The following CARD10 variants were observed in gnomAD, a reference collection of about 807,000 sequenced individuals.
The protein encoded by CARD10 is caspase recruitment domain-containing protein 10.
CARD10 carries 49 observed loss-of-function variants against 114.6 expected under a neutral mutation model. That is an observed-to-expected ratio of 0.43 (90% CI 0.34 to 0.54). The LOEUF is 0.54. Ranked by LOEUF, CARD10 falls within the 20% of genes least tolerant of loss-of-function variation. The pLI is 0.03. For synonymous variants in CARD10, 602 were observed against 593.2 expected, an observed-to-expected ratio of 1.01 and a Z score of -0.21; for missense variants, 1,206 against 1,397.2, an observed-to-expected ratio of 0.86 and a Z score of 2.18.
chr22:37,492,481 G>C lies in CARD10; in HGVS notation c.2705C>G (p.Pro902Arg). 2 of 1,602,244 alleles carry C rather than the reference G, an allele frequency of 1.2e-6. No individual in the cohort carries two copies. Among genetic ancestry groups the C allele is most frequent in the South Asian group, 1.1e-5 (1 of 89,898 alleles). The change falls in exon 18 of 20, where the codon CCT (proline) becomes CGT (arginine). Residue 902 changes from proline to arginine, a missense_variant. Pro to Arg is a moderately radical substitution (Grantham distance 103). Coordinates refer to ENST00000251973, the MANE Select transcript of CARD10 (RefSeq NM_014550.4). The surrounding 1 kb of genome is among the most constrained non-coding windows in gnomAD (Gnocchi z 5.7). ...PGAPKAQPAT[P>R]GLGSRIRAIQ... ...GGCCCGGATCCTGCTGCCTAGCCCA[G>C]GGGTGGCAGGCTGAGCCTTGGGGGC... is the stretch of plus-strand genomic sequence containing the variant.
chr22:37,502,873 T>G (rs1174075127), intron 10 of CARD10, 148 bp from the exon 11 acceptor site: 1 of 960,082 alleles, frequency 1.0e-6, no homozygotes, highest in East Asian at 2.6e-5. Flanking sequence ...GGCTCAGAGA[T>G]AGGTCAGGGC....
At position 37,491,185 on chromosome 22, in the gene CARD10, C is replaced by T; in HGVS notation, c.3073G>A (p.Gly1025Ser). Residue 1025 changes from glycine (G) to serine (S), a missense_variant, in exon 20 of 20, where the codon GGC (glycine) becomes AGC (serine). Gly to Ser is a moderately conservative substitution (Grantham distance 56, BLOSUM62 0). Coordinates refer to ENST00000251973, the MANE Select transcript of CARD10 (RefSeq NM_014550.4). ...LVWVECGSSR[G>S]CPSSSEA Reference sequence around the variant, plus strand: ...CAGGCCTCACTGCTGCTGGGGCAGCCTCTGCTGCTGCCGCACTCCACCCAC... The same window carrying T: ...CAGGCCTCACTGCTGCTGGGGCAGCTTCTGCTGCTGCCGCACTCCACCCAC... 6.4e-7 allele frequency: 1 copy of T among 1,569,554 alleles called. No homozygotes were observed.
chr22:37,519,155 C>T lies in CARD10; in HGVS notation c.46G>A (p.Ala16Thr), dbSNP rs1329580594. 3.9e-6 allele frequency: 6 copies of T among 1,541,782 alleles called. No individual in the cohort carries two copies. Among genetic ancestry groups the T allele is most frequent in the Non-Finnish European group, 5.2e-6 (6 of 1,149,914 alleles). The change falls in exon 1 of 20, where the codon GCC becomes ACC. Residue 16 changes from alanine to threonine, a missense_variant. Transcript: ENST00000251973. The surrounding 1 kb of genome is among the most constrained non-coding windows in gnomAD (Gnocchi z 4.1). Reference sequence around the variant, plus strand: ...TCCTCCGCCTCAGACCCCGAGCCGGCCCCGGCCTCCTCCTCGGCCTCCCCC... The same window carrying T: ...TCCTCCGCCTCAGACCCCGAGCCGGTCCCGGCCTCCTCCTCGGCCTCCCCC... ...EAGEAEEEAG[A>T]GSGSEAEEDA...
At chr22:37,510,454 A>T in intron 3 of CARD10, 33 bp from the exon 4 acceptor site, 1 of 1,597,474 alleles carries the variant, frequency 6.3e-7, no homozygotes, top group Non-Finnish European at 8.6e-7. Flanking sequence ...GCCCAGAGGG[A>T]GACACACTGG....
rs777380217 is a variant in CARD10, at chr22:37,510,439, G to T, written c.700-18C>A. The T allele has an allele frequency of 1.2e-6, 2 of 1,611,846 alleles. No individual in the cohort carries two copies. Among genetic ancestry groups the T allele is most frequent in the Non-Finnish European group, 1.7e-6 (2 of 1,178,928 alleles). On this transcript the variant is annotated intron_variant, in intron 3 of 19. Transcript: ENST00000251973. The stretch of plus-strand genomic sequence containing the variant: ...TGATCCACCTGGAGCCCAAGACATG[G>T]GTCAGCCCAGAGGGAGACACACTGG...
chr22:37,518,360 G>A (rs144179531), intron 1 of CARD10, among the ~76,000 whole-genome samples: 8 of 152,118 alleles, frequency 5.3e-5, no homozygotes, highest in South Asian at 2.1e-4. Flanking sequence ...ATGCCGGCCC[G>A]CAAATGCAGC....
rs1168201772 is a variant in CARD10 at position 37,504,214 on chromosome 22, G to A, written c.1606C>T (p.Arg536Cys). Reference sequence around the variant, plus strand: ...TTAGGGGGTGCGGGGTCTTCCTCACGCTGCCGGCGGAGGATGGAGCCGGCA... The same window carrying A: ...TTAGGGGGTGCGGGGTCTTCCTCACACTGCCGGCGGAGGATGGAGCCGGCA... The part of the protein sequence containing the change: ...PSAGSILRRQ[R>C]EEDPAPPKRS... The change falls in exon 9 of 20, where the codon CGT (arginine) becomes TGT (cysteine). Residue 536 changes from arginine (R) to cysteine (C), a missense_variant. Physicochemically the swap from Arg to Cys is radical, Grantham distance 180. Around this residue, in one of 2 missense-constraint regions of CARD10, gnomAD observed 1,068 missense variants for 1,179.1 expected, o/e 0.91. Transcript: ENST00000251973. 1.0e-5 allele frequency: 16 copies of A among 1,570,598 alleles called. No individual in the cohort carries two copies. Among genetic ancestry groups the A allele is most frequent in the South Asian group, 5.9e-5 (5 of 85,404 alleles).
Position 37,491,106 on chromosome 22 carries a change from A to C in CARD10, c.*53T>G, listed in dbSNP as rs1922753151. On this transcript the variant is annotated 3_prime_UTR_variant, in exon 20 of 20. Transcript: ENST00000251973. ...GGGTGGGAGGGCCCAGCTTCACCAT[A>C]GACACCAGGGTCCACGCTGGCTTGG... The C allele has an allele frequency of 7.1e-7, 1 of 1,405,640 alleles. No homozygotes were observed. The highest frequency in any genetic ancestry group is 9.8e-7 in the Non-Finnish European group (1 of 1,023,086). 87.1% of individuals were successfully genotyped at this position (1,405,640 alleles called of 1,614,324 possible).
chr22:37,518,136 G>C (rs768014847), intron 1 of CARD10, 28 bp from the exon 2 acceptor site: 1 of 1,602,208 alleles, frequency 6.2e-7, no homozygotes, highest in Admixed American at 1.7e-5. Flanking sequence ...GATGTACCCA[G>C]GGTCTAGGGG....
intron 7 of CARD10, among the ~76,000 whole-genome samples, chr22:37,505,220 T>C (rs931187670): frequency 1.8e-4 from 28 of 151,942 alleles, no homozygotes; most frequent in Non-Finnish European, 1.0e-4. Flanking sequence ...GCAGGGCCTC[T>C]TGGCCATGAA....
At chr22:37,517,085 G>A (rs750826238) in intron 2 of CARD10, among the ~76,000 whole-genome samples, 25 of 152,172 alleles carry the variant, frequency 1.6e-4, no homozygotes, top group Admixed American at 7.9e-4. Context: ...CTCTTCGCCT[G>A]AGACACATTT....
chr22:37,504,464 G>C (rs1418176091), intron 8 of CARD10, among the ~76,000 whole-genome samples, 163 bp from the exon 9 acceptor site: 1 of 152,218 alleles, frequency 6.6e-6, no homozygotes, highest in Non-Finnish European at 1.5e-5. Flanking sequence ...ACGCCTCCTG[G>C]CACCTATGCC....
chr22:37,509,601 C>G (rs577341386), intron 4 of CARD10, among the ~76,000 whole-genome samples: 4 of 149,798 alleles, frequency 2.7e-5, no homozygotes, highest in African/African-American at 1.0e-4. Context: ...TGTCCACGAG[C>G]CCTGGCCCTA....
chr22:37,517,838 C>T, intron 2 of CARD10, 133 bp downstream of exon 2: 3 of 1,224,154 alleles, frequency 2.5e-6, no homozygotes, highest in South Asian at 1.6e-5. Flanking sequence ...TGGGCAAGCC[C>T]CTTCAGCCTC....
chr22:37,499,110 A>G (rs979527828), intron 11 of CARD10, among the ~76,000 whole-genome samples: 1 of 152,060 alleles, frequency 6.6e-6, no homozygotes, highest in Non-Finnish European at 1.5e-5. Context: ...TCCAATTATT[A>G]TCTCATGACC....
chr22:37,507,807 C>T (rs201000292), intron 6 of CARD10, 22 bp downstream of exon 6: 12 of 1,613,940 alleles, frequency 7.4e-6, no homozygotes, highest in Non-Finnish European at 9.3e-6. Context: ...CCCAGGGCCT[C>T]GTACACGCAG....
At chr22:37,494,230 C>A (rs756243421) in intron 15 of CARD10, 42 bp from the exon 16 acceptor site, 1 of 1,381,236 alleles carries the variant, frequency 7.2e-7, no homozygotes, top group South Asian at 1.3e-5. Context: ...AGAGCTCAGC[C>A]CCGCCCCCTC....
At chr22:37,497,348 T>G in intron 11 of CARD10, 170 bp from the exon 12 acceptor site, 1 of 664,516 alleles carries the variant, frequency 1.5e-6, no homozygotes. Context: ...TGGGAAATGC[T>G]GATCATCCTT....
At chr22:37,511,539 AG>A (rs1179804564) in intron 3 of CARD10, among the ~76,000 whole-genome samples, 1 of 133,952 alleles carries the variant, frequency 7.5e-6, no homozygotes, top group African/African-American at 2.9e-5. Flanking sequence ...AGAAAGAAGG[AG>A]AAAAAAAAAA....
Sources: allele counts gnomAD v4.1 joint callset (sites outside exome capture counted in the v4.1 genomes callset), GRCh38; gene constraint gnomAD v4.1.1; regional missense constraint gnomAD v4.1.1; non-coding constraint Gnocchi (gnomAD v3.1); transcripts MANE v1.5; gene names NCBI Gene and HGNC (gene_info 2026-07-23, HGNC 2026-07-21).